FRS2: variants seen among roughly 807,000 people sequenced by gnomAD.
FRS2 encodes FGFR signalling adaptor.
FRS2 carries 8 observed loss-of-function variants against 43.9 expected under a neutral mutation model. The ratio of observed to expected loss-of-function variants is 0.18; its 90% CI spans 0.11 to 0.33. FRS2 has a LOEUF of 0.33. FRS2 is among the 10% of genes least tolerant of loss of function. The pLI, the probability that FRS2 is intolerant of heterozygous loss-of-function variation, is 1.00. For missense variants in FRS2, 534 were observed against 627.6 expected, an observed-to-expected ratio of 0.85 and a Z score of 1.59; for synonymous variants, 219 against 220.3, an observed-to-expected ratio of 0.99 and a Z score of 0.05.
intron 3 of FRS2, among the ~76,000 whole-genome samples, chr12:69,549,680 C>T (rs1878706162): frequency 6.6e-6 from 1 of 152,190 alleles, no homozygotes; most frequent in Non-Finnish European, 1.5e-5. Context: ...CAAATCAAGC[C>T]TATTATTCCA....
At chr12:69,569,297 T>C (rs1880555052) in intron 5 of FRS2, among the ~76,000 whole-genome samples, 1 of 152,228 alleles carries the variant, frequency 6.6e-6, no homozygotes, top group South Asian at 2.1e-4. Context: ...TTCGGTCCTC[T>C]GTATCTAATT....
At chr12:69,524,786 C>G (rs966045426) in intron 1 of FRS2, among the ~76,000 whole-genome samples, 30 of 152,140 alleles carry the variant, frequency 2.0e-4, no homozygotes, top group Non-Finnish European at 2.4e-4. Flanking sequence ...TACCACTTCT[C>G]TAAGTAGCTG....
At chr12:69,508,927 T>G (rs979722309) in intron 1 of FRS2, among the ~76,000 whole-genome samples, 2 of 152,228 alleles carry the variant, frequency 1.3e-5, no homozygotes, top group African/African-American at 4.8e-5. Flanking sequence ...GGGGGTAGTT[T>G]AGTGTTTATT....
At chr12:69,550,916 T>C (rs1259894557) in intron 3 of FRS2, among the ~76,000 whole-genome samples, 1 of 152,226 alleles carries the variant, frequency 6.6e-6, no homozygotes, top group Non-Finnish European at 1.5e-5. Context: ...TTTAAAAAGA[T>C]TATTTAAAGT....
intron 4 of FRS2, among the ~76,000 whole-genome samples, chr12:69,566,177 G>A (rs1280899341): frequency 2.0e-5 from 3 of 152,042 alleles, no homozygotes; most frequent in Non-Finnish European, 2.9e-5. Flanking sequence ...CTGCCAGCAC[G>A]AGAGGTTCTA....
At chr12:69,511,687 C>A (rs1170469031) in intron 1 of FRS2, among the ~76,000 whole-genome samples, 1 of 152,034 alleles carries the variant, frequency 6.6e-6, no homozygotes, top group Non-Finnish European at 1.5e-5. Flanking sequence ...TGCTCATATC[C>A]GTGTTAGGGC....
At chr12:69,536,101 CTTTTTTTTTTTTTTTTT>C (rs71094720) in intron 3 of FRS2, among the ~76,000 whole-genome samples, 7 of 37,214 alleles carry the variant, frequency 1.9e-4, no homozygotes, top group Admixed American at 3.9e-4. Flanking sequence ...TATTTTCATT[CTTTTTTTTTTTTTTTTT>C]TTTTTTTTTT....
chr12:69,519,527 GT>G (rs1208184185), intron 1 of FRS2, among the ~76,000 whole-genome samples: 7 of 152,122 alleles, frequency 4.6e-5, no homozygotes, highest in Admixed American at 2.6e-4. Flanking sequence ...GTACCCAATA[GT>G]TATTTTTTTC....
intron 1 of FRS2, among the ~76,000 whole-genome samples, chr12:69,505,008 T>A (rs552886951): frequency 6.6e-6 from 1 of 152,266 alleles, no homozygotes; most frequent in South Asian, 2.1e-4. Context: ...TAATTTGTAT[T>A]GTATTGTATT....
chr12:69,522,763 A>G (rs1221795772), intron 1 of FRS2, among the ~76,000 whole-genome samples: 2 of 152,144 alleles, frequency 1.3e-5, no homozygotes, highest in Non-Finnish European at 2.9e-5. Context: ...ACGCTGCCTT[A>G]GCTGTGTCTG....
chr12:69,571,176 C>A, intron 6 of FRS2, 100 bp from the exon 7 acceptor site: 2 of 669,162 alleles, frequency 3.0e-6, no homozygotes, highest in Non-Finnish European at 5.0e-6. Flanking sequence ...TGACTCGGTG[C>A]GTAGAATGCT....
At chr12:69,499,342 A>C (rs945011408) in intron 1 of FRS2, among the ~76,000 whole-genome samples, 4 of 152,220 alleles carry the variant, frequency 2.6e-5, no homozygotes, top group African/African-American at 9.6e-5. Context: ...ATGTGAGTCC[A>C]GATGGGACCA....
intron 1 of FRS2, among the ~76,000 whole-genome samples, chr12:69,527,343 A>ATTTTTTTTTTTTTTTTTTTTTTTTTTTT: frequency 1.2e-5 from 1 of 84,232 alleles, no homozygotes; most frequent in Non-Finnish European, 2.1e-5. Context: ...TTTTTTAATG[A>ATTTTTTTTTTTTTTTTTTTTTTTTTTTT]TTTTTTTTTT....
Position 69,574,662 on chromosome 12 carries a change from C to T in FRS2, c.1234C>T (p.Arg412Cys), listed in dbSNP as rs773329122. The T allele has an allele frequency of 8.7e-6, 14 of 1,613,948 alleles. No individual in the cohort carries two copies. In the South Asian group the frequency reaches 8.8e-5, roughly 10 times the overall value. Residue 412 changes from arginine (R) to cysteine (C), a missense_variant, in exon 9 of 9, where the codon CGT becomes TGT. Physicochemically the swap from Arg to Cys is radical, Grantham distance 180. This residue lies in a region of FRS2 where 446 missense variants were observed against 494.2 expected (regional missense o/e 0.90). Transcript: ENST00000549921. ...ASAHKIEYSRRRDCTPTVFNF... is the reference protein window; with the variant it reads ...ASAHKIEYSRCRDCTPTVFNF... ...TGCTCACAAAATAGAATATTCAAGG[C>T]GTCGGGACTGTACACCAACAGTCTT...
At chr12:69,561,380 T>C (rs573049655) in intron 3 of FRS2, among the ~76,000 whole-genome samples, 12 of 152,330 alleles carry the variant, frequency 7.9e-5, no homozygotes, top group African/African-American at 2.9e-4. Flanking sequence ...AATGTTCATT[T>C]TGGCTATCAA....
At chr12:69,550,610 C>T (rs1878790833) in intron 3 of FRS2, among the ~76,000 whole-genome samples, 2 of 152,130 alleles carry the variant, frequency 1.3e-5, no homozygotes, top group Admixed American at 1.3e-4. Context: ...CATACAATAC[C>T]ACCAAAGCCT....
chr12:69,481,321 T>C (rs912813837), intron 1 of FRS2, among the ~76,000 whole-genome samples: 1 of 151,138 alleles, frequency 6.6e-6, no homozygotes, highest in Non-Finnish European at 1.5e-5. Context: ...CTTCCTGTTA[T>C]CCAGGCTGGA....
chr12:69,496,308 G>T (rs542233971), intron 1 of FRS2, among the ~76,000 whole-genome samples: 5 of 152,120 alleles, frequency 3.3e-5, no homozygotes, highest in African/African-American at 9.7e-5. Flanking sequence ...GTGGTGGTGG[G>T]CACCTGTAAT....
At chr12:69,545,193 G>A (rs766688340) in intron 3 of FRS2, among the ~76,000 whole-genome samples, 41 of 152,156 alleles carry the variant, frequency 2.7e-4, no homozygotes, top group East Asian at 3.9e-4. Context: ...TCTTCATATT[G>A]TTAAGATGTG....
Sources: gnomAD v4.1 joint callset for allele counts (sites outside exome capture counted in the v4.1 genomes callset) on GRCh38, gnomAD v4.1.1 for gene constraint, gnomAD v4.1.1 regional missense constraint, MANE v1.5 for transcripts, NCBI Gene and HGNC (gene_info 2026-07-23, HGNC 2026-07-21) for gene names.